The following DCLK2 variants were observed in gnomAD, a reference collection of about 807,000 sequenced individuals.
DCLK2 encodes the protein serine/threonine-protein kinase DCLK2.
In DCLK2, 31 loss-of-function variants were observed where a neutral mutation model predicts 78.4. That is an observed-to-expected ratio of 0.40 (90% CI 0.30 to 0.53). The LOEUF is 0.53. Among genes scored for constraint, DCLK2 ranks in the 20% least tolerant of loss-of-function variants. The pLI is 0.61. For synonymous variants in DCLK2, 407 were observed against 374.9 expected, an observed-to-expected ratio of 1.09 and a Z score of -0.99; for missense variants, 872 against 973.7, an observed-to-expected ratio of 0.90 and a Z score of 1.39.
At chr4:150,239,602 A>C in intron 10 of DCLK2, 140 bp from the exon 11 acceptor site, 1 of 605,604 alleles carries the variant, frequency 1.7e-6, no homozygotes, top group Admixed American at 3.9e-5. Context: ...CCGTGTCTTC[A>C]AAAAAAAAAA....
chr4:150,166,731 A>G (rs973095492), intron 2 of DCLK2, among the ~76,000 whole-genome samples: 2 of 147,236 alleles, frequency 1.4e-5, no homozygotes, highest in African/African-American at 5.0e-5. Context: ...CACTCCAAGC[A>G]GTGATTAAGT....
At chr4:150,136,098 T>C (rs1408289304) in intron 2 of DCLK2, among the ~76,000 whole-genome samples, 1 of 151,930 alleles carries the variant, frequency 6.6e-6, no homozygotes, top group Admixed American at 6.6e-5. Context: ...TTGTGGACCG[T>C]GGAGAGGGGA....
chr4:150,229,808 A>G (rs1480011874), intron 8 of DCLK2, among the ~76,000 whole-genome samples: 1 of 152,196 alleles, frequency 6.6e-6, no homozygotes, highest in Non-Finnish European at 1.5e-5. Flanking sequence ...ATCACTTAAC[A>G]TATATAATGG....
At chr4:150,083,698 A>T (rs75044128) in intron 1 of DCLK2, among the ~76,000 whole-genome samples, 44 of 152,202 alleles carry the variant, frequency 2.9e-4, no homozygotes, top group African/African-American at 1.0e-3. Flanking sequence ...ATTTGCACAT[A>T]GGAGTCGAAA....
At chr4:150,104,775 TAA>T (rs5862906) in intron 2 of DCLK2, among the ~76,000 whole-genome samples, 3 of 150,654 alleles carry the variant, frequency 2.0e-5, no homozygotes, top group South Asian at 2.1e-4. Context: ...AAAATTACAC[TAA>T]AAAAAAAATT....
At chr4:150,220,216 C>T (rs1741080560) in intron 5 of DCLK2, among the ~76,000 whole-genome samples, 1 of 152,094 alleles carries the variant, frequency 6.6e-6, no homozygotes, top group Non-Finnish European at 1.5e-5. Context: ...TTTGGAGTTG[C>T]CTTCAACTTT....
chr4:150,221,287 T>C (rs2126530362), intron 6 of DCLK2, among the ~76,000 whole-genome samples: 1 of 152,094 alleles, frequency 6.6e-6, no homozygotes, highest in East Asian at 1.9e-4. Context: ...GAAGATTAAA[T>C]TCCCACCACC....
At chr4:150,125,859 C>G (rs1580549644) in intron 2 of DCLK2, among the ~76,000 whole-genome samples, 2 of 152,052 alleles carry the variant, frequency 1.3e-5, no homozygotes, top group East Asian at 3.9e-4. Context: ...CCACTACACT[C>G]CAGCCTGGGC....
rs181372498 is a variant in DCLK2 at position 150,188,079 on chromosome 4, G to A, written c.757-5059G>A. Among the ~76,000 whole-genome samples the A allele has an allele frequency of 1.5e-4, 23 of 152,296 alleles. No individual in the cohort carries two copies. The South Asian group carries it at 3.1e-3, about 21-fold the overall frequency. On this transcript the variant is annotated intron_variant, in intron 2 of 15. Coordinates refer to ENST00000296550, the MANE Select transcript of DCLK2 (RefSeq NM_001040260.4). The stretch of plus-strand genomic sequence containing the variant: ...CTCCCAAAGTGTTGGGATTGCACGC[G>A]TGAGCCACTGCTTCTGGCATCAGTT...
At chr4:150,103,857 T>G (rs867278202) in intron 2 of DCLK2, among the ~76,000 whole-genome samples, 8 of 148,888 alleles carry the variant, frequency 5.4e-5, no homozygotes, top group Non-Finnish European at 9.1e-5. Flanking sequence ...TTCTAATTAA[T>G]TAATAAGGTA....
At chr4:150,099,724 A>G (rs1306284125) in intron 1 of DCLK2, among the ~76,000 whole-genome samples, 1 of 152,188 alleles carries the variant, frequency 6.6e-6, no homozygotes, top group African/African-American at 2.4e-5. Context: ...GTACATTGTA[A>G]TGAGTTGTCT....
rs1744631473 is a variant in DCLK2 at position 150,257,211 on chromosome 4, G to A, written c.*964G>A. 1 of 152,664 alleles carries A rather than the reference G, an allele frequency of 6.6e-6. No homozygotes were observed. The highest frequency in any genetic ancestry group is 1.5e-5 in the Non-Finnish European group (1 of 68,126). 9.5% of individuals were successfully genotyped at this position (152,664 alleles called of 1,614,324 possible). A position where few individuals can be genotyped will look rare whatever the true frequency, so the allele number is the denominator to read the frequency against. The stretch of plus-strand genomic sequence containing the variant: ...GGCATGCCCGAGGCAGCCAGGACTG[G>A]GCGGGAAGGTGCTCCCTGGATATAC... On this transcript the variant is annotated 3_prime_UTR_variant, in exon 16 of 16. Transcript: ENST00000296550.
chr4:150,081,997 CAAAAAAA>C (rs1216080802), intron 1 of DCLK2, among the ~76,000 whole-genome samples: 1 of 60,188 alleles, frequency 1.7e-5, no homozygotes, highest in Non-Finnish European at 3.6e-5. Context: ...GACTCTGTCT[CAAAAAAA>C]AAAAAAAAAA....
At chr4:150,249,810 G>A (rs1743620661) in intron 15 of DCLK2, 126 bp downstream of exon 15, 1 of 788,820 alleles carries the variant, frequency 1.3e-6, no homozygotes, top group Non-Finnish European at 2.2e-6. Flanking sequence ...TATGAAGATT[G>A]GCTTGGCATG....
chr4:150,244,143 C>T (rs1281842112), intron 12 of DCLK2, among the ~76,000 whole-genome samples: 4 of 151,978 alleles, frequency 2.6e-5, no homozygotes, highest in Non-Finnish European at 5.9e-5. Context: ...CAGTGTTGCC[C>T]AGGCTGGTCT....
rs747015928 is a variant in DCLK2 at position 150,248,258 on chromosome 4, ACCT to A, written c.1876-43_1876-41del. The A allele has an allele frequency of 6.6e-6, 10 of 1,518,172 alleles. No individual in the cohort carries two copies. The South Asian group carries it at 1.1e-4, about 17-fold the overall frequency. The allele number at this position is 1,518,172 out of a possible 1,614,324, so 94.0% of individuals were successfully genotyped here. On this transcript the variant is annotated intron_variant, in intron 13 of 15. Coordinates refer to ENST00000296550, the MANE Select transcript of DCLK2 (RefSeq NM_001040260.4). ...AGATTTCTGTATTTATGCTGGAATT[ACCT>A]CCTTTCTCCTCCTCTGTGGTCTGAC...
At chr4:150,119,338 T>C (rs1732353420) in intron 2 of DCLK2, among the ~76,000 whole-genome samples, 1 of 152,210 alleles carries the variant, frequency 6.6e-6, no homozygotes, top group African/African-American at 2.4e-5. Context: ...CAACATGCTT[T>C]AGATCATTGT....
intron 2 of DCLK2, among the ~76,000 whole-genome samples, chr4:150,103,957 A>G (rs1305654177): frequency 6.6e-6 from 1 of 152,168 alleles, no homozygotes; most frequent in Non-Finnish European, 1.5e-5. Context: ...TACAACACAA[A>G]ACACCTTAAG....
chr4:150,189,366 T>A (rs1315290458), intron 2 of DCLK2, among the ~76,000 whole-genome samples: 1 of 152,138 alleles, frequency 6.6e-6, no homozygotes, highest in Non-Finnish European at 1.5e-5. Flanking sequence ...CATTAATGAC[T>A]ACAAATAAGG....
Sources: gnomAD v4.1 joint callset for allele counts (sites outside exome capture counted in the v4.1 genomes callset) on GRCh38, gnomAD v4.1.1 for gene constraint, MANE v1.5 for transcripts, NCBI Gene and HGNC (gene_info 2026-07-23, HGNC 2026-07-21) for gene names.